FOSL2: variants seen among roughly 807,000 people sequenced by gnomAD.
FOSL2 encodes the protein FOS like 2, AP-1 transcription factor subunit, also known as fos-related antigen 2.
In FOSL2, 3 loss-of-function variants were observed where a neutral mutation model predicts 27.7. That is an observed-to-expected ratio of 0.11 (90% CI 0.05 to 0.28). FOSL2 has a LOEUF of 0.28. Among genes scored for constraint, FOSL2 ranks in the 10% least tolerant of loss-of-function variants. The pLI, the probability that FOSL2 is intolerant of heterozygous loss-of-function variation, is 1.00. For missense variants in FOSL2, 333 were observed against 445.1 expected, an observed-to-expected ratio of 0.75 and a Z score of 2.27; for synonymous variants, 179 against 190.1, an observed-to-expected ratio of 0.94 and a Z score of 0.48.
rs1664326567 is a variant in FOSL2, at chr2:28,417,189, T to C, written c.*4741T>C. ...TAAAGAAAGCTTGTTAGAAAAAGCTTGCTGCTATGGAAGAAAGAACATATT... is the reference window on the plus strand; with the variant it reads ...TAAAGAAAGCTTGTTAGAAAAAGCTCGCTGCTATGGAAGAAAGAACATATT... On this transcript the variant is annotated 3_prime_UTR_variant, in exon 4 of 4. Transcript: ENST00000264716. The C allele has an allele frequency of 6.6e-6, 1 of 152,098 alleles. No individual in the cohort carries two copies. The highest frequency in any genetic ancestry group is 2.1e-4 in the South Asian group (1 of 4,822). 9.4% of individuals were successfully genotyped at this position (152,098 alleles called of 1,614,324 possible).
chr2:28,411,950 G>A lies in FOSL2; in HGVS notation c.483G>A (p.Glu161=). Residue 161 remains glutamate, a synonymous_variant, in exon 4 of 4, where the codon GAG becomes GAA. Coordinates refer to ENST00000264716, the MANE Select transcript of FOSL2 (RefSeq NM_005253.4). ...GGCAGGAGACAGAGGAGCTGGAGGA[G>A]GAGAAGTCAGGCCTGCAGAAGGAGA... ...KLQAETEELE[E]EKSGLQKEIA... is the part of the protein sequence containing the mutation. 1 of 1,614,234 alleles carries A rather than the reference G, an allele frequency of 6.2e-7. No individual in the cohort carries two copies.
rs80290063 is a variant in FOSL2, at chr2:28,406,623, G to A, written c.355-2136G>A. Among the ~76,000 whole-genome samples the A allele has an allele frequency of 3.1e-4, 47 of 152,330 alleles. No individual in the cohort carries two copies. In the East Asian group the frequency reaches 8.1e-3, roughly 26 times the overall value. ...AGGCGTGCCTCATACAATCTGTCTGGAGAGTTTCCTTCCTTTTTTGAGAGG... is the reference window on the plus strand; with the variant it reads ...AGGCGTGCCTCATACAATCTGTCTGAAGAGTTTCCTTCCTTTTTTGAGAGG... On this transcript the variant is annotated intron_variant, in intron 2 of 3. Coordinates refer to ENST00000264716, the MANE Select transcript of FOSL2 (RefSeq NM_005253.4).
rs989662287 is a variant in FOSL2 at position 28,393,511 on chromosome 2, G to C, written c.-210G>C. ...GCGGCGCTCGCAGAGCCGGAAAGAA[G>C]TGCTGTAAGGGACGCTCGGGGGACG... On this transcript the variant is annotated 5_prime_UTR_variant, in exon 1 of 4. Coordinates refer to ENST00000264716, the MANE Select transcript of FOSL2 (RefSeq NM_005253.4). The surrounding 1 kb of genome is among the most constrained non-coding windows in gnomAD (Gnocchi z 4.6). The C allele has an allele frequency of 5.6e-6, 3 of 533,996 alleles. No homozygotes were observed. The highest frequency in any genetic ancestry group is 4.1e-5 in the African/African-American group (2 of 48,550). 33.1% of individuals were successfully genotyped at this position (533,996 alleles called of 1,614,324 possible).
intron 3 of FOSL2, among the ~76,000 whole-genome samples, 176 bp downstream of exon 3, chr2:28,409,042 A>AAG (rs367773143): frequency 1.3e-5 from 2 of 151,966 alleles, no homozygotes; most frequent in African/African-American, 2.4e-5. Flanking sequence ...GTTGATTGAA[A>AAG]AGAGAGAGAG....
In FOSL2 at chr2:28,395,001, G is replaced by T. The variant is rs1448743082; in HGVS notation, c.102+1179G>T. 1.3e-5 allele frequency among the ~76,000 whole-genome samples: 2 copies of T among 152,126 alleles called. 1 individual carries two copies. Among genetic ancestry groups the T allele is most frequent in the African/African-American group, 4.8e-5 (2 of 41,422 alleles). The stretch of plus-strand genomic sequence containing the variant: ...TGGCTCTCTTTTGGATCTGATGGGG[G>T]GGTCCCTTGTTCCAAAGTGATTCCC... On this transcript the variant is annotated intron_variant, in intron 1 of 3. Transcript: ENST00000264716.
Position 28,408,927 on chromosome 2 carries a change from G to A in FOSL2, c.462+61G>A. ...GTGGGCTGGAGTGAGAGCCCCGGGGGTCCTGATCCTCTCTCCCACAGCTGT... is the reference window on the plus strand; with the variant it reads ...GTGGGCTGGAGTGAGAGCCCCGGGGATCCTGATCCTCTCTCCCACAGCTGT... On this transcript the variant is annotated intron_variant, in intron 3 of 3. Transcript: ENST00000264716. This position sits in a 1 kb window ranked among gnomAD's most constrained non-coding sequence, Gnocchi z 4.1. 2 of 1,149,294 alleles carry A rather than the reference G, an allele frequency of 1.7e-6. No individual in the cohort carries two copies. Among genetic ancestry groups the A allele is most frequent in the Non-Finnish European group, 2.5e-6 (2 of 808,442 alleles). 71.2% of individuals were successfully genotyped at this position (1,149,294 alleles called of 1,614,324 possible). A position where few individuals can be genotyped will look rare whatever the true frequency, so the allele number is the denominator to read the frequency against.
chr2:28,396,029 C>T (rs1663827077), intron 1 of FOSL2, among the ~76,000 whole-genome samples: 1 of 152,158 alleles, frequency 6.6e-6, no homozygotes, highest in African/African-American at 2.4e-5. Context: ...TATTTCTCTC[C>T]GCTTCCTGTA....
Position 28,404,565 on chromosome 2 carries a change from C to A in FOSL2, c.354+207C>A, listed in dbSNP as rs1664040495. ...CTGGCTCTGTCATCTCGCTTATGTC[C>A]CTTAGAATCTCTGAGTCTCACTTTC... On this transcript the variant is annotated intron_variant, in intron 2 of 3. Coordinates refer to ENST00000264716, the MANE Select transcript of FOSL2 (RefSeq NM_005253.4). The surrounding 1 kb of genome is among the most constrained non-coding windows in gnomAD (Gnocchi z 4.7). Among the ~76,000 whole-genome samples, 1 of 152,186 alleles carries A rather than the reference C, an allele frequency of 6.6e-6. No homozygotes were observed. The highest frequency in any genetic ancestry group is 1.5e-5 in the Non-Finnish European group (1 of 68,034).
chr2:28,403,684 C>T (rs1003718789), intron 1 of FOSL2, among the ~76,000 whole-genome samples: 7 of 152,160 alleles, frequency 4.6e-5, no homozygotes, highest in Non-Finnish European at 1.0e-4. Context: ...GTGTCCTGAG[C>T]TGGTACCCTG....
In FOSL2 at chr2:28,393,928, C is replaced by G; in HGVS notation, c.102+106C>G. The G allele has an allele frequency of 1.3e-6, 1 of 791,146 alleles. No homozygotes were observed. Among genetic ancestry groups the G allele is most frequent in the Non-Finnish European group, 2.0e-6 (1 of 495,750 alleles). 49.0% of individuals were successfully genotyped at this position (791,146 alleles called of 1,614,324 possible). On this transcript the variant is annotated intron_variant, in intron 1 of 3. Coordinates refer to ENST00000264716, the MANE Select transcript of FOSL2 (RefSeq NM_005253.4). This position sits in a 1 kb window ranked among gnomAD's most constrained non-coding sequence, Gnocchi z 4.6. ...TTTCTTTTTCTTGGCGAGAAAATAC[C>G]TACGGGCCACCGTTGTAAGTTCTGG...
At chr2:28,402,716 C>T (rs1663997551) in intron 1 of FOSL2, among the ~76,000 whole-genome samples, 2 of 152,172 alleles carry the variant, frequency 1.3e-5, no homozygotes, top group South Asian at 4.2e-4. Context: ...ATAACCAGCA[C>T]TTAGGGCTGG....
chr2:28,398,182 T>C (rs1415582179), intron 1 of FOSL2, among the ~76,000 whole-genome samples: 3 of 152,258 alleles, frequency 2.0e-5, no homozygotes, highest in Admixed American at 6.5e-5. Context: ...TTTGTGGATA[T>C]GTCTCATCTA....
At chr2:28,396,801 C>CACACACACACACACACACACAA (rs1663847761) in intron 1 of FOSL2, 1 of 146,366 alleles carries the variant, frequency 6.8e-6, no homozygotes, top group African/African-American at 2.5e-5. Flanking sequence ...CACACACACA[C>CACACACACACACACACACACAA]ACACACACAC....
rs572673173 is a variant in FOSL2, at chr2:28,400,409, C to T, written c.103-3698C>T. On this transcript the variant is annotated intron_variant, in intron 1 of 3. Coordinates refer to ENST00000264716, the MANE Select transcript of FOSL2 (RefSeq NM_005253.4). ...AACTCCTAACTTCACCTCTTCTCTC[C>T]TACCCCAGTGTCTGAATAACACGTT... 5.6e-4 allele frequency among the ~76,000 whole-genome samples: 85 copies of T among 152,154 alleles called. 1 individual carries two copies. The South Asian group carries it at 0.017, about 30-fold the overall frequency.
Position 28,392,868 on chromosome 2 carries a change from A to T in FOSL2, c.-853A>T. On this transcript the variant is annotated 5_prime_UTR_variant, in exon 1 of 4. Transcript: ENST00000264716. ...TGAACTCGTGCCATTGTAGTGACTCATCTCGGGCAGAGCGCTAGGGCTCCG... is the reference window on the plus strand; with the variant it reads ...TGAACTCGTGCCATTGTAGTGACTCTTCTCGGGCAGAGCGCTAGGGCTCCG... The T allele has an allele frequency of 1.4e-6, 1 of 715,342 alleles. No individual in the cohort carries two copies. Among genetic ancestry groups the T allele is most frequent in the Non-Finnish European group, 2.6e-6 (1 of 383,750 alleles). The allele number at this position is 715,342 out of a possible 1,614,324, so 44.3% of individuals were successfully genotyped here. A position where few individuals can be genotyped will look rare whatever the true frequency, so the allele number is the denominator to read the frequency against.
rs1664045487 is a variant in FOSL2 at position 28,404,862 on chromosome 2, A to G, written c.354+504A>G. 6.6e-6 allele frequency among the ~76,000 whole-genome samples: 1 copy of G among 152,136 alleles called. No homozygotes were observed. The highest frequency in any genetic ancestry group is 2.4e-5 in the African/African-American group (1 of 41,430). On this transcript the variant is annotated intron_variant, in intron 2 of 3. Coordinates refer to ENST00000264716, the MANE Select transcript of FOSL2 (RefSeq NM_005253.4). The surrounding 1 kb of genome is among the most constrained non-coding windows in gnomAD (Gnocchi z 4.7). ...ACTTCCCATTCCTCCTCAGTGTTCT[A>G]GGCCTCCAACTCGGAGCAGGAGCCT...
chr2:28,405,427 A>C (rs553518279), intron 2 of FOSL2, among the ~76,000 whole-genome samples: 50 of 152,318 alleles, frequency 3.3e-4, no homozygotes, highest in African/African-American at 1.2e-3. Flanking sequence ...TTTCAAATGA[A>C]TTGTTATCCT....
At chr2:28,394,829 C>G (rs770589155) in intron 1 of FOSL2, among the ~76,000 whole-genome samples, 1 of 152,162 alleles carries the variant, frequency 6.6e-6, no homozygotes, top group Non-Finnish European at 1.5e-5. Flanking sequence ...AACATGAAGC[C>G]CACCGTGGTC....
Position 28,404,185 on chromosome 2 carries a change from C to T in FOSL2, c.181C>T (p.Gln61Ter). Residue 61 changes from glutamine (Q) to a stop codon, truncating the protein, a stop_gained, in exon 2 of 4, where the codon CAG (glutamine) becomes TAG (stop). Transcript: ENST00000264716. LOFTEE classifies it high-confidence loss of function. The surrounding 1 kb of genome is among the most constrained non-coding windows in gnomAD (Gnocchi z 4.7). ...CGCCATCACGACCAGCCAGGACCTG[C>T]AGTGGATGGTGCAGCCCACAGTGAT... ...INAITTSQDL[Q>*]WMVQPTVITS... is the part of the protein sequence containing the mutation. The T allele has an allele frequency of 1.9e-6, 3 of 1,614,204 alleles. No individual in the cohort carries two copies. Among genetic ancestry groups the T allele is most frequent in the Non-Finnish European group, 2.5e-6 (3 of 1,180,022 alleles).
Sources: allele counts gnomAD v4.1 joint callset (sites outside exome capture counted in the v4.1 genomes callset), GRCh38; gene constraint gnomAD v4.1.1; non-coding constraint Gnocchi (gnomAD v3.1); transcripts MANE v1.5; gene names NCBI Gene and HGNC (gene_info 2026-07-23, HGNC 2026-07-21).